EBNA1BP2: variants seen among roughly 807,000 people sequenced by gnomAD.
EBNA1BP2 encodes the protein probable rRNA-processing protein EBP2.
EBNA1BP2 carries 36 observed loss-of-function variants against 43.5 expected under a neutral mutation model. That is an observed-to-expected ratio of 0.83 (90% CI 0.63 to 1.09). The LOEUF (loss-of-function observed/expected upper bound fraction) is 1.09, where lower values mean the gene tolerates loss of function less well. Ranked by LOEUF, EBNA1BP2 falls within the 50% of genes least tolerant of loss-of-function variation. The pLI, the probability that EBNA1BP2 is intolerant of heterozygous loss-of-function variation, is 0.00. For missense variants in EBNA1BP2, 332 were observed against 379.1 expected, an observed-to-expected ratio of 0.88 and a Z score of 1.03; for synonymous variants, 127 against 141.3, an observed-to-expected ratio of 0.90 and a Z score of 0.72.
Position 43,166,832 on chromosome 1 carries a change from C to T in EBNA1BP2, c.701G>A (p.Arg234Lys). 6.2e-7 allele frequency: 1 copy of T among 1,610,932 alleles called. No homozygotes were observed. Among genetic ancestry groups the T allele is most frequent in the East Asian group, 2.2e-5 (1 of 44,872 alleles). ...ATGCCAAAACCCTTCTCACCCCTTC[C>T]TCATCTGCTGGCCTTTGGCTCCTGC... ...KKAGAKGQQM[R>K]KGPSAKRRYK... The change falls in exon 7 of 9, where the codon AGG becomes AAG. Residue 234 changes from arginine (R) to lysine (K), a missense_variant. Arg to Lys is a conservative substitution (Grantham distance 26). This residue lies in a region of EBNA1BP2 where 91 missense variants were observed against 152.1 expected (regional missense o/e 0.60). Coordinates refer to ENST00000236051, the MANE Select transcript of EBNA1BP2 (RefSeq NM_006824.3).
chr1:43,164,855 A>C, intron 7 of EBNA1BP2, 50 bp from the exon 8 acceptor site: 2 of 1,599,320 alleles, frequency 1.3e-6, no homozygotes, highest in Non-Finnish European at 1.7e-6. Flanking sequence ...AAGCCTGATG[A>C]ACCTGATGGC....
rs1390195710 is a variant in EBNA1BP2, at chr1:43,170,835, AGGCGGGGTAAGACTGCAAGC to A, written c.348_367del (p.Leu117ProfsTer12). On this transcript the variant is annotated frameshift_variant, in exon 4 of 9. Transcript: ENST00000236051. LOFTEE classifies it high-confidence loss of function. ...CTTCGTAGGGACTTTGAGCTGATGG[AGGCGGGGTAAGACTGCAAGC>A]ACTGCGGCCTGGGCTTGGCGATAGC... 25 of 1,604,576 alleles carry A rather than the reference AGGCGGGGTAAGACTGCAAGC, an allele frequency of 1.6e-5. No individual in the cohort carries two copies. The highest frequency in any genetic ancestry group is 2.0e-5 in the Non-Finnish European group (24 of 1,176,284).
intron 7 of EBNA1BP2, 33 bp downstream of exon 7, chr1:43,166,793 G>C: frequency 6.3e-7 from 1 of 1,592,334 alleles, no homozygotes; most frequent in Non-Finnish European, 8.5e-7. Context: ...GCACCTCACA[G>C]AACCAAAGAA....
intron 4 of EBNA1BP2, among the ~76,000 whole-genome samples, chr1:43,169,887 T>TGAACTATGCATG (rs1644944108): frequency 6.6e-6 from 1 of 152,130 alleles, no homozygotes; most frequent in Non-Finnish European, 1.5e-5. Flanking sequence ...AACTCTACTG[T>TGAACTATGCATG]GAACTATGCA....
intron 4 of EBNA1BP2, 129 bp downstream of exon 4, chr1:43,170,627 T>C (rs796427113): frequency 2.2e-6 from 3 of 1,343,898 alleles, no homozygotes; most frequent in African/African-American, 3.1e-5. Flanking sequence ...AGCCAATCTA[T>C]GGAAGAGGTA....
intron 7 of EBNA1BP2, 113 bp downstream of exon 7, chr1:43,166,713 A>G: frequency 9.5e-7 from 1 of 1,049,744 alleles, no homozygotes; most frequent in Non-Finnish European, 1.4e-6. Context: ...CAGCAGCTGC[A>G]CTCTCTGGAC....
chr1:43,171,635 C>T lies in EBNA1BP2; in HGVS notation c.167G>A (p.Cys56Tyr). ...CAGATCCCGCTTGAATTCTGCCAAA[C>T]ATTGCTTCAGGCCATTCTAGGAAAT... ...AVNDVNGLKQ[C>Y]LAEFKRDLEW... The change falls in exon 3 of 9, where the codon TGT (cysteine) becomes TAT (tyrosine). Residue 56 changes from cysteine (C) to tyrosine (Y), a missense_variant. By Grantham distance (194) the Cys-to-Tyr change is radical. This residue lies in a region of EBNA1BP2 where 182 missense variants were observed against 173.7 expected (regional missense o/e 1.05). Coordinates refer to ENST00000236051, the MANE Select transcript of EBNA1BP2 (RefSeq NM_006824.3). 1.2e-6 allele frequency: 2 copies of T among 1,613,922 alleles called. No individual in the cohort carries two copies. Among genetic ancestry groups the T allele is most frequent in the Non-Finnish European group, 1.7e-6 (2 of 1,179,908 alleles).
At chr1:43,168,128 G>T (rs747644284) in intron 5 of EBNA1BP2, among the ~76,000 whole-genome samples, 4 of 152,214 alleles carry the variant, frequency 2.6e-5, no homozygotes, top group African/African-American at 2.4e-5. Context: ...CCAGATCAAA[G>T]AAATAATAAA....
chr1:43,172,189 G>A lies in EBNA1BP2; in HGVS notation c.-71C>T. On this transcript the variant is annotated 5_prime_UTR_variant, in exon 1 of 9. Coordinates refer to ENST00000236051, the MANE Select transcript of EBNA1BP2 (RefSeq NM_006824.3). ...CCGAGACCCAAGCGGCTAGCAGAGG[G>A]CGGCCCTGGCCGCTGCTGCCTGCCT... The A allele has an allele frequency of 3.7e-6, 6 of 1,605,834 alleles. No individual in the cohort carries two copies. The highest frequency in any genetic ancestry group is 2.2e-5 in the South Asian group (2 of 90,256).
At chr1:43,172,350 A>G (rs375902406), upstream of EBNA1BP2, 111 of 1,551,544 alleles carry the variant, frequency 7.2e-5, 1 homozygote, top group African/African-American at 1.4e-3. Flanking sequence ...TGTCGTTGCT[A>G]TAGGAACCGC....
chr1:43,170,361 T>A (rs1644947295), intron 4 of EBNA1BP2, among the ~76,000 whole-genome samples: 1 of 152,148 alleles, frequency 6.6e-6, no homozygotes, highest in Non-Finnish European at 1.5e-5. Flanking sequence ...GAATCCCTCA[T>A]TTTACAGAGG....
intron 5 of EBNA1BP2, among the ~76,000 whole-genome samples, chr1:43,167,775 G>A (rs528022613): frequency 1.6e-4 from 25 of 152,278 alleles, no homozygotes; most frequent in Non-Finnish European, 2.8e-4. Context: ...CTAACAGAGG[G>A]TTTCTCAATC....
Position 43,164,682 on chromosome 1 carries a change from A to G in EBNA1BP2, c.831T>C (p.His277=). 3 of 1,614,228 alleles carry G rather than the reference A, an allele frequency of 1.9e-6. No individual in the cohort carries two copies. Among genetic ancestry groups the G allele is most frequent in the Non-Finnish European group, 2.5e-6 (3 of 1,180,028 alleles). The change falls in exon 8 of 9, where the codon CAT becomes CAC. Residue 277 remains histidine (H), a synonymous_variant. Transcript: ENST00000236051. ...DVSSFRAKTA[H]GRGLKRPGKK... Reference sequence around the variant, plus strand: ...TGCCAGGCCTCTTGAGGCCTCTGCCATGAGCTGTCTTGGCCCGGAAGCTAG... The same window carrying G: ...TGCCAGGCCTCTTGAGGCCTCTGCCGTGAGCTGTCTTGGCCCGGAAGCTAG...
upstream of EBNA1BP2, chr1:43,172,358 C>G: frequency 6.4e-7 from 1 of 1,551,614 alleles, no homozygotes; most frequent in Non-Finnish European, 8.7e-7. Context: ...CTATAGGAAC[C>G]GCTACGGCGT....
At chr1:43,169,951 G>A (rs1644944380) in intron 4 of EBNA1BP2, among the ~76,000 whole-genome samples, 1 of 152,040 alleles carries the variant, frequency 6.6e-6, no homozygotes, top group African/African-American at 2.4e-5. Flanking sequence ...AGAATCTAAT[G>A]CCTGATGATC....
rs1644973461 is a variant in EBNA1BP2, at chr1:43,171,622, G to C, written c.180C>G (p.Phe60Leu). The change falls in exon 3 of 9, where the codon TTC becomes TTG. Residue 60 changes from phenylalanine to leucine, a missense_variant. Transcript: ENST00000236051. ...TTTCAACCCATTCCAGATCCCGCTTGAATTCTGCCAAACATTGCTTCAGGC... is the reference window on the plus strand; with the variant it reads ...TTTCAACCCATTCCAGATCCCGCTTCAATTCTGCCAAACATTGCTTCAGGC... ...VNGLKQCLAE[F>L]KRDLEWVERL... The C allele has an allele frequency of 1.2e-6, 2 of 1,614,108 alleles. No individual in the cohort carries two copies. The highest frequency in any genetic ancestry group is 2.7e-5 in the African/African-American group (2 of 75,042).
chr1:43,171,575 G>C lies in EBNA1BP2; in HGVS notation c.227C>G (p.Pro76Arg), dbSNP rs11559316. The C allele has an allele frequency of 7.5e-3, 12,158 of 1,614,084 alleles. 80 individuals are homozygous for C. The highest frequency in any genetic ancestry group is 8.4e-3 in the Non-Finnish European group (9,873 of 1,180,020). ...CTCAGATCCACCGATCTCCGGTACC[G>C]GACCCAGTGTCACATCGAGCCTTTC... ...WVERLDVTLG[P>R]VPEIGGSEAP... is the part of the protein sequence containing the mutation. Residue 76 changes from proline (P) to arginine (R), a missense_variant, in exon 3 of 9, where the codon CCG becomes CGG. Coordinates refer to ENST00000236051, the MANE Select transcript of EBNA1BP2 (RefSeq NM_006824.3).
intron 7 of EBNA1BP2, among the ~76,000 whole-genome samples, chr1:43,165,458 T>C (rs528916794): frequency 6.6e-6 from 1 of 152,262 alleles, no homozygotes; most frequent in South Asian, 2.1e-4. Context: ...CTCTCACTCT[T>C]TATACCCAAT....
At chr1:43,168,835 T>C in intron 5 of EBNA1BP2, 104 bp downstream of exon 5, 1 of 1,134,880 alleles carries the variant, frequency 8.8e-7, no homozygotes, top group Non-Finnish European at 1.3e-6. Flanking sequence ...AAATACATGA[T>C]CAACACACAG....
Sources: allele counts gnomAD v4.1 joint callset (sites outside exome capture counted in the v4.1 genomes callset), GRCh38; gene constraint gnomAD v4.1.1; regional missense constraint gnomAD v4.1.1; transcripts MANE v1.5; gene names NCBI Gene and HGNC (gene_info 2026-07-23, HGNC 2026-07-21).